The following RASSF3 variants were observed in gnomAD, a reference collection of about 807,000 sequenced individuals.
RASSF3 encodes the protein ras association domain-containing protein 3.
RASSF3 carries 19 observed loss-of-function variants against 19.9 expected under a neutral mutation model. The observed-to-expected ratio is 0.96, with a 90% CI of 0.67 to 1.40. The LOEUF is 1.40. Ranked by LOEUF, RASSF3 falls within the 40% of genes most tolerant of loss-of-function variation. The pLI is 0.00. For missense variants in RASSF3, 306 were observed against 289.8 expected (o/e 1.06, Z -0.41); for synonymous variants, 110 against 104.2 (o/e 1.06, Z -0.34).
At chr12:64,561,165 G>A (rs1388713507) in intron 2 of RASSF3, among the ~76,000 whole-genome samples, 3 of 152,150 alleles carry the variant, frequency 2.0e-5, no homozygotes, top group Non-Finnish European at 4.4e-5. Context: ...CAGCCGGAGA[G>A]CTGAGGGATG....
intron 2 of RASSF3, among the ~76,000 whole-genome samples, chr12:64,585,657 T>C (rs1342203715): frequency 6.8e-6 from 1 of 148,072 alleles, no homozygotes; most frequent in African/African-American, 2.5e-5. Flanking sequence ...CAGGCTGCAG[T>C]GCAGTGGCAT....
chr12:64,619,083 G>T (rs1870653020), intron 1 of RASSF3, among the ~76,000 whole-genome samples: 2 of 152,092 alleles, frequency 1.3e-5, no homozygotes, highest in Non-Finnish European at 2.9e-5. Flanking sequence ...TGGCTCGCAT[G>T]ATATTTTTGT....
At chr12:64,565,926 C>T (rs573672498) in intron 2 of RASSF3, among the ~76,000 whole-genome samples, 86 of 146,536 alleles carry the variant, frequency 5.9e-4, no homozygotes, top group Admixed American at 1.2e-3. Flanking sequence ...TGCAGCCGGG[C>T]GTGGTGGCTC....
chr12:64,609,749 C>T (rs769275626), upstream of RASSF3, among the ~76,000 whole-genome samples: 2 of 152,096 alleles, frequency 1.3e-5, no homozygotes, highest in Non-Finnish European at 2.9e-5. Flanking sequence ...TTACAAAGCA[C>T]ATTTAATTGA....
chr12:64,672,074 G>A (rs541515856), intron 1 of RASSF3, among the ~76,000 whole-genome samples: 10 of 152,180 alleles, frequency 6.6e-5, no homozygotes, highest in Non-Finnish European at 8.8e-5. Context: ...TTTAACTTTT[G>A]TGGGTACGTA....
Position 64,689,397 on chromosome 12 carries a change from A to G in RASSF3, c.457+944A>G, listed in dbSNP as rs547847962. Among the ~76,000 whole-genome samples, 3 of 152,268 alleles carry G rather than the reference A, an allele frequency of 2.0e-5. No homozygotes were observed. The East Asian group carries it at 5.8e-4, about 29-fold the overall frequency. ...TGCTGAGTATGCATACATCTTTTTA[A>G]AAACAAACCATGGGGCTAGACCCTG... On this transcript the variant is annotated intron_variant, in intron 3 of 4. Transcript: ENST00000542104.
At chr12:64,670,370 GTT>G (rs113065463) in intron 1 of RASSF3, among the ~76,000 whole-genome samples, 1,938 of 143,740 alleles carry the variant, frequency 0.013, 35 homozygotes, top group African/African-American at 0.044. Flanking sequence ...AGATTTTACT[GTT>G]TTTTTTTTTT....
At chr12:64,589,324 C>T (rs1352499864) in intron 2 of RASSF3, among the ~76,000 whole-genome samples, 1 of 152,130 alleles carries the variant, frequency 6.6e-6, no homozygotes, top group Non-Finnish European at 1.5e-5. Context: ...GTGGCACATG[C>T]CTGTAATCCC....
Position 64,566,681 on chromosome 12 carries a change from C to A in RASSF3, c.294+24976C>A, listed in dbSNP as rs141230089. On this transcript the variant is annotated intron_variant, in intron 2 of 5. Transcript: ENST00000637125. ...ACTGAGGGCTCCACACAGAGATGCT[C>A]GGGAATTTTCATAGCTAGAGACGAA... Among the ~76,000 whole-genome samples, 428 of 152,164 alleles carry A rather than the reference C, an allele frequency of 2.8e-3. 2 individuals carry two copies. The highest frequency in any genetic ancestry group is 4.4e-3 in the Non-Finnish European group (299 of 68,010).
chr12:64,535,297 T>C (rs1471644569), intron 1 of RASSF3, among the ~76,000 whole-genome samples: 1 of 150,768 alleles, frequency 6.6e-6, no homozygotes, highest in Non-Finnish European at 1.5e-5. Flanking sequence ...GCTTAGTTGA[T>C]GGAGTGAGAC....
chr12:64,605,887 C>CAAAA (rs34242846), upstream of RASSF3, among the ~76,000 whole-genome samples: 3 of 82,372 alleles, frequency 3.6e-5, no homozygotes, highest in Admixed American at 2.9e-4. Flanking sequence ...AACTCCGTCT[C>CAAAA]AAAAAAAAAA....
At chr12:64,681,420 G>T (rs944436568) in intron 1 of RASSF3, among the ~76,000 whole-genome samples, 1 of 152,172 alleles carries the variant, frequency 6.6e-6, no homozygotes, top group African/African-American at 2.4e-5. Context: ...AACAGGCTCA[G>T]AAAGGTTAAG....
intron 1 of RASSF3, among the ~76,000 whole-genome samples, chr12:64,523,305 C>A (rs577557018): frequency 1.3e-5 from 2 of 152,170 alleles, no homozygotes; most frequent in East Asian, 3.9e-4. Flanking sequence ...ACTTGGGAGG[C>A]TGAGACAGGA....
chr12:64,691,342 C>T lies in RASSF3; in HGVS notation c.458-128C>T, dbSNP rs374812572. 2.3e-4 allele frequency: 155 copies of T among 660,962 alleles called. 3 individuals are homozygous for T. In the Middle Eastern group the frequency reaches 9.4e-3, roughly 40 times the overall value. The allele number at this position is 660,962 out of a possible 1,614,324, so 40.9% of individuals were successfully genotyped here. On this transcript the variant is annotated intron_variant, in intron 3 of 4. Transcript: ENST00000542104. ...TACTGGTATTAAATAATAAGATGAG[C>T]CGACTGGCGACTTAGAGGCTGGGGT...
At chr12:64,579,594 G>T (rs536389825) in intron 2 of RASSF3, among the ~76,000 whole-genome samples, 2 of 151,878 alleles carry the variant, frequency 1.3e-5, no homozygotes, top group African/African-American at 2.4e-5. Context: ...CTTGTGATCC[G>T]CCTGCCTTGG....
At chr12:64,651,395 G>C (rs113208317) in intron 1 of RASSF3, among the ~76,000 whole-genome samples, 2,737 of 152,252 alleles carry the variant, frequency 0.018, 88 homozygotes, top group African/African-American at 0.063. Flanking sequence ...GTCTCACTCT[G>C]TTGCCCAGAC....
chr12:64,575,882 AT>A (rs766838564), intron 2 of RASSF3: 4,566 of 138,206 alleles, frequency 0.033, 95 homozygotes, highest in African/African-American at 0.088. Context: ...TTCTCGACAG[AT>A]TTTTTTTTTT....
chr12:64,581,772 T>C (rs879588720), intron 2 of RASSF3, among the ~76,000 whole-genome samples: 19 of 148,974 alleles, frequency 1.3e-4, no homozygotes, highest in Non-Finnish European at 2.4e-4. Context: ...TCTGAAAACC[T>C]TTCAAAAGAG....
chr12:64,634,194 T>C (rs1871253292), intron 1 of RASSF3, among the ~76,000 whole-genome samples: 3 of 152,154 alleles, frequency 2.0e-5, no homozygotes, highest in Admixed American at 1.3e-4. Context: ...TGGCTGTTGT[T>C]TCTGCTGTTA....
Sources: gnomAD v4.1 joint callset for allele counts (sites outside exome capture counted in the v4.1 genomes callset) on GRCh38, gnomAD v4.1.1 for gene constraint, MANE v1.5 for transcripts, NCBI Gene and HGNC (gene_info 2026-07-23, HGNC 2026-07-21) for gene names.